SOX6: variants seen among roughly 807,000 people sequenced by gnomAD.
SOX6 encodes the protein transcription factor SOX-6.
A neutral mutation model predicts 97.8 loss-of-function variants in SOX6; 11 were observed. That is an observed-to-expected ratio of 0.11 (90% CI 0.07 to 0.19). The LOEUF is 0.19. SOX6 is among the 10% of genes least tolerant of loss of function. The pLI is 1.00. For synonymous variants in SOX6, 360 were observed against 371.4 expected (o/e 0.97, Z 0.35); for missense variants, 810 against 1,039.5 (o/e 0.78, Z 3.04).
At chr11:16,000,429 A>G (rs1167553479) in intron 13 of SOX6, among the ~76,000 whole-genome samples, 3 of 152,228 alleles carry the variant, frequency 2.0e-5, no homozygotes. Context: ...GACTTAAGGT[A>G]GGCAAATGCA....
intron 12 of SOX6, among the ~76,000 whole-genome samples, chr11:16,035,196 C>A (rs191448972): frequency 7.9e-5 from 12 of 152,192 alleles, no homozygotes; most frequent in Admixed American, 3.3e-4. Context: ...CGCATCAGGA[C>A]ACATGGGCAG....
chr11:16,399,181 A>G (rs1858471176), intron 1 of SOX6, among the ~76,000 whole-genome samples: 2 of 151,276 alleles, frequency 1.3e-5, no homozygotes, highest in Admixed American at 6.6e-5. Context: ...TCATAGGGTT[A>G]TTTTTATAAT....
intron 3 of SOX6, among the ~76,000 whole-genome samples, chr11:16,271,532 T>G (rs1854258959): frequency 6.6e-6 from 1 of 151,488 alleles, no homozygotes; most frequent in Non-Finnish European, 1.5e-5. Flanking sequence ...TTTCTTTATC[T>G]CCTCTATGGA....
intron 4 of SOX6, among the ~76,000 whole-genome samples, chr11:16,537,537 G>A (rs1180317657): frequency 6.6e-6 from 1 of 152,124 alleles, no homozygotes; most frequent in Non-Finnish European, 1.5e-5. Context: ...TGAGCTAAAG[G>A]AGCATGTTCT....
intron 4 of SOX6, among the ~76,000 whole-genome samples, chr11:16,201,906 T>C (rs1480340462): frequency 3.7e-5 from 5 of 135,580 alleles, no homozygotes; most frequent in African/African-American, 5.6e-5. Flanking sequence ...GTGCTGGGAT[T>C]ACAGGCGTGA....
chr11:16,480,532 A>G (rs529251043), upstream of SOX6, among the ~76,000 whole-genome samples: 2 of 152,290 alleles, frequency 1.3e-5, no homozygotes, highest in African/African-American at 4.8e-5. Context: ...GTAAATAGCA[A>G]ATAAAAACAT....
intron 4 of SOX6, among the ~76,000 whole-genome samples, chr11:16,201,155 G>A (rs1851925541): frequency 6.6e-6 from 1 of 151,428 alleles, no homozygotes; most frequent in African/African-American, 2.4e-5. Context: ...TCCATCATGT[G>A]AAGTCATTCA....
intron 4 of SOX6, among the ~76,000 whole-genome samples, chr11:16,498,325 G>A (rs1026205822): frequency 6.6e-6 from 1 of 152,230 alleles, no homozygotes; most frequent in East Asian, 1.9e-4. Flanking sequence ...ACATGGAAAG[G>A]AACAACCGGT....
chr11:16,119,816 A>C (rs548413860), intron 6 of SOX6, among the ~76,000 whole-genome samples: 1 of 152,164 alleles, frequency 6.6e-6, no homozygotes, highest in African/African-American at 2.4e-5. Context: ...TTCTCTCTTC[A>C]TTTGTCTTAT....
chr11:16,325,144 C>T (rs1217525652), intron 2 of SOX6, among the ~76,000 whole-genome samples: 1 of 151,896 alleles, frequency 6.6e-6, no homozygotes, highest in Non-Finnish European at 1.5e-5. Flanking sequence ...TGTCCTATCA[C>T]AAATAATACT....
chr11:16,224,327 G>C (rs1852623075), intron 4 of SOX6, among the ~76,000 whole-genome samples: 1 of 151,976 alleles, frequency 6.6e-6, no homozygotes, highest in African/African-American at 2.4e-5. Flanking sequence ...TTAAACTTCA[G>C]TGTTTTCTTT....
intron 13 of SOX6, among the ~76,000 whole-genome samples, chr11:16,010,778 A>G (rs1041578514): frequency 1.3e-5 from 2 of 151,984 alleles, no homozygotes; most frequent in African/African-American, 4.8e-5. Flanking sequence ...AGGAACATGA[A>G]AACTCAATTC....
chr11:16,123,551 T>C (rs1365910462), intron 6 of SOX6, among the ~76,000 whole-genome samples: 1 of 151,976 alleles, frequency 6.6e-6, no homozygotes, highest in Non-Finnish European at 1.5e-5. Flanking sequence ...CCAAGTCAAG[T>C]AGTCTTCAGG....
chr11:16,596,686 C>A (rs1848215811), intron 4 of SOX6, among the ~76,000 whole-genome samples: 2 of 152,186 alleles, frequency 1.3e-5, no homozygotes, highest in Admixed American at 1.3e-4. Context: ...TAGTACAATG[C>A]ATTTTCATCT....
intron 3 of SOX6, among the ~76,000 whole-genome samples, chr11:16,307,963 C>T (rs1417479580): frequency 6.6e-6 from 1 of 152,118 alleles, no homozygotes; most frequent in Non-Finnish European, 1.5e-5. Flanking sequence ...TGTGAGAGTA[C>T]TTGTCTGTTC....
intron 3 of SOX6, among the ~76,000 whole-genome samples, chr11:16,661,960 G>A (rs1847769237): frequency 6.6e-6 from 1 of 152,102 alleles, no homozygotes; most frequent in South Asian, 2.1e-4. Flanking sequence ...CCCTGTAACA[G>A]TGCTGTCATT....
chr11:16,560,997 G>A (rs1847808777), intron 4 of SOX6, among the ~76,000 whole-genome samples: 1 of 151,990 alleles, frequency 6.6e-6, no homozygotes. Context: ...GAGGAATAAA[G>A]GACTACACAT....
In SOX6 at chr11:16,502,104, CAT is replaced by C. The variant is rs571331492; in HGVS notation, n.610-25718_610-25717del. 1.4e-4 allele frequency among the ~76,000 whole-genome samples: 22 copies of C among 152,260 alleles called. No homozygotes were observed. The East Asian group carries it at 4.2e-3, about 29-fold the overall frequency. Reference sequence around the variant, plus strand: ...TAGACTGGATTAAGAAAATGTGGCACATATATACCATGGAATACTATGCAGCC... The same window carrying C: ...TAGACTGGATTAAGAAAATGTGGCACATATACCATGGAATACTATGCAGCC... On this transcript the variant is annotated intron_variant and non_coding_transcript_variant, in intron 4 of 5. Coordinates refer to the SOX6 transcript ENST00000524520.
intron 3 of SOX6, among the ~76,000 whole-genome samples, chr11:16,245,189 G>T (rs1406211803): frequency 6.6e-6 from 1 of 151,422 alleles, no homozygotes; most frequent in Non-Finnish European, 1.5e-5. Flanking sequence ...TTTCTTCTTT[G>T]GTAAGTGGTT....
Sources: gnomAD v4.1 joint callset for allele counts (sites outside exome capture counted in the v4.1 genomes callset) on GRCh38, gnomAD v4.1.1 for gene constraint, MANE v1.5 for transcripts, NCBI Gene and HGNC (gene_info 2026-07-23, HGNC 2026-07-21) for gene names.